C5orf22: variants seen among roughly 807,000 people sequenced by gnomAD.
C5orf22 encodes UPF0489 protein C5orf22.
A neutral mutation model predicts 48.7 loss-of-function variants in C5orf22; 36 were observed. The ratio of observed to expected loss-of-function variants is 0.74; its 90% CI spans 0.57 to 0.98. The LOEUF (loss-of-function observed/expected upper bound fraction) is 0.98, where lower values mean the gene tolerates loss of function less well. Ranked by LOEUF, C5orf22 falls within the 50% of genes least tolerant of loss-of-function variation. The pLI is 0.00. For synonymous variants in C5orf22, 141 were observed against 180.8 expected (o/e 0.78, Z 1.76); for missense variants, 486 against 521.9 (o/e 0.93, Z 0.67).
chr5:31,532,561 G>C (rs1213224536), intron 1 of C5orf22, 88 bp downstream of exon 1: 15 of 1,168,094 alleles, frequency 1.3e-5, no homozygotes, highest in Admixed American at 6.2e-5. Flanking sequence ...CCTTAGCATC[G>C]GAGGCCAGAG....
chr5:31,542,480 C>T (rs992272349), intron 6 of C5orf22, among the ~76,000 whole-genome samples: 2 of 88,248 alleles, frequency 2.3e-5, no homozygotes, highest in African/African-American at 7.5e-5. Context: ...AAAAAAAAAG[C>T]GAAAACTTAG....
intron 8 of C5orf22, among the ~76,000 whole-genome samples, chr5:31,551,906 A>C (rs1743291277): frequency 6.6e-6 from 1 of 152,216 alleles, no homozygotes; most frequent in Non-Finnish European, 1.5e-5. Flanking sequence ...CTGTAGGTAA[A>C]TAACCTGGTC....
intron 7 of C5orf22, among the ~76,000 whole-genome samples, chr5:31,549,053 CTA>C (rs1452082216): frequency 6.6e-6 from 1 of 152,084 alleles, no homozygotes; most frequent in African/African-American, 2.4e-5. Context: ...AACCCCATCT[CTA>C]TGAAAAACAC....
chr5:31,543,380 T>A (rs1357703279), intron 6 of C5orf22, among the ~76,000 whole-genome samples: 1 of 152,082 alleles, frequency 6.6e-6, no homozygotes, highest in East Asian at 1.9e-4. Context: ...CCAGCCTGGG[T>A]GACATGGTGA....
chr5:31,549,366 G>A (rs1743105136), intron 7 of C5orf22, among the ~76,000 whole-genome samples: 1 of 152,190 alleles, frequency 6.6e-6, no homozygotes, highest in Admixed American at 6.5e-5. Flanking sequence ...AATTCAAGGT[G>A]AGATTTGGGT....
In C5orf22 at chr5:31,554,567, AT is replaced by A. The variant is rs1743482702; in HGVS notation, c.*1670del. On this transcript the variant is annotated 3_prime_UTR_variant, in exon 9 of 9. Coordinates refer to ENST00000325366, the MANE Select transcript of C5orf22 (RefSeq NM_018356.3). ...AAAATCAGAATTGTAGAATTGTGCT[AT>A]TTTTAATTTTTAAAATTTTTGGTTA... 2 of 152,302 alleles carry A rather than the reference AT, an allele frequency of 1.3e-5. No homozygotes were observed. Among genetic ancestry groups the A allele is most frequent in the South Asian group, 2.1e-4 (1 of 4,828 alleles). 9.4% of individuals were successfully genotyped at this position (152,302 alleles called of 1,614,324 possible).
Position 31,534,301 on chromosome 5 carries a change from C to G in C5orf22, c.111C>G (p.Gly37=), listed in dbSNP as rs1158084288. Residue 37 remains glycine (G), a synonymous_variant, in exon 2 of 9, where the codon GGC becomes GGG. Coordinates refer to ENST00000325366, the MANE Select transcript of C5orf22 (RefSeq NM_018356.3). ...EVLPFIYRAI[G]SKHLPASNVS... The stretch of plus-strand genomic sequence containing the variant: ...TACCCTTTATATACCGGGCCATAGG[C>G]TCAAAGCATCTTCCTGCCAGTAATG... The G allele has an allele frequency of 6.2e-6, 10 of 1,613,820 alleles. No homozygotes were observed. The highest frequency in any genetic ancestry group is 7.6e-6 in the Non-Finnish European group (9 of 1,179,848).
At chr5:31,543,635 T>C (rs1358002028) in intron 6 of C5orf22, among the ~76,000 whole-genome samples, 1 of 152,136 alleles carries the variant, frequency 6.6e-6, no homozygotes, top group Non-Finnish European at 1.5e-5. Context: ...CTAAAATGAT[T>C]CCCTGTTTTT....
chr5:31,546,879 C>T (rs1051126294), intron 7 of C5orf22, among the ~76,000 whole-genome samples: 5 of 152,144 alleles, frequency 3.3e-5, no homozygotes, highest in Non-Finnish European at 5.9e-5. Context: ...TCATTCCATC[C>T]TTAGCCCCTC....
chr5:31,532,598 T>G, intron 1 of C5orf22, 125 bp downstream of exon 1: 2 of 768,208 alleles, frequency 2.6e-6, no homozygotes, highest in Non-Finnish European at 4.2e-6. Context: ...ACTGCCCTAT[T>G]CCGTTGCTGT....
At position 31,532,348 on chromosome 5, in the gene C5orf22, C is replaced by G. The variant is rs778375663; in HGVS notation, c.-45C>G. 5.6e-6 allele frequency: 9 copies of G among 1,602,418 alleles called. No homozygotes were observed. The Middle Eastern group carries it at 8.4e-4, about 149-fold the overall frequency. ...TGAGGCGCCGGCTTTCCCGGGTCTT[C>G]TCCAGCTGCCACCGCTTTACTGCAA... On this transcript the variant is annotated 5_prime_UTR_variant, in exon 1 of 9. Transcript: ENST00000325366.
chr5:31,532,383 G>T lies in C5orf22; in HGVS notation c.-10G>T. Reference sequence around the variant, plus strand: ...CACCGCTTTACTGCAAAACTGACGGGCGCAAAAACATGAGTGACTCCGCGG... The same window carrying T: ...CACCGCTTTACTGCAAAACTGACGGTCGCAAAAACATGAGTGACTCCGCGG... On this transcript the variant is annotated 5_prime_UTR_variant, in exon 1 of 9. Coordinates refer to ENST00000325366, the MANE Select transcript of C5orf22 (RefSeq NM_018356.3). 1 of 1,613,994 alleles carries T rather than the reference G, an allele frequency of 6.2e-7. No individual in the cohort carries two copies. Among genetic ancestry groups the T allele is most frequent in the Non-Finnish European group, 8.5e-7 (1 of 1,179,954 alleles).
At chr5:31,543,688 A>G (rs1194315947) in intron 6 of C5orf22, among the ~76,000 whole-genome samples, 2 of 152,246 alleles carry the variant, frequency 1.3e-5, no homozygotes, top group East Asian at 3.8e-4. Context: ...GTCACAGGAC[A>G]GGAGTCTTCC....
At position 31,536,421 on chromosome 5, in the gene C5orf22, G is replaced by A. The variant is rs181246069; in HGVS notation, c.377+528G>A. Among the ~76,000 whole-genome samples the A allele has an allele frequency of 2.0e-5, 3 of 152,294 alleles. No homozygotes were observed. In the East Asian group the frequency reaches 5.8e-4, roughly 29 times the overall value. On this transcript the variant is annotated intron_variant, in intron 3 of 8. Transcript: ENST00000325366. Reference sequence around the variant, plus strand: ...GCCTGTAGTCCCAGCTACTCAGGAGGCTGAGGCAGGAGAATGGCGTGAACC... The same window carrying A: ...GCCTGTAGTCCCAGCTACTCAGGAGACTGAGGCAGGAGAATGGCGTGAACC...
Position 31,541,290 on chromosome 5 carries a change from G to C in C5orf22, c.880G>C (p.Val294Leu). Residue 294 changes from valine (V) to leucine (L), a missense_variant, in exon 6 of 9, where the codon GTA becomes CTA. Val to Leu is a conservative substitution (Grantham distance 32). This residue lies in a region of C5orf22 where 408 missense variants were observed against 444.0 expected (regional missense o/e 0.92). Coordinates refer to ENST00000325366, the MANE Select transcript of C5orf22 (RefSeq NM_018356.3). ...TTCAATGTATTTAAAGGAAGATTTG[G>C]TAGATATTGTTGATACTCGAATTCA... ...PGTNLTEEDL[V>L]DIVDTRIHQL... 1 of 1,610,734 alleles carries C rather than the reference G, an allele frequency of 6.2e-7. No individual in the cohort carries two copies. The highest frequency in any genetic ancestry group is 8.5e-7 in the Non-Finnish European group (1 of 1,177,040).
At chr5:31,536,455 A>G (rs563632242) in intron 3 of C5orf22, among the ~76,000 whole-genome samples, 42 of 152,322 alleles carry the variant, frequency 2.8e-4, no homozygotes, top group African/African-American at 9.6e-4. Flanking sequence ...CCCAGGAGAC[A>G]GAGCTTGCAG....
intron 8 of C5orf22, among the ~76,000 whole-genome samples, chr5:31,552,003 C>G (rs1743298189): frequency 6.6e-6 from 1 of 152,166 alleles, no homozygotes; most frequent in Non-Finnish European, 1.5e-5. Flanking sequence ...GGCCAGATAA[C>G]TAATTCCAGT....
chr5:31,545,564 GT>G (rs1461443819), intron 6 of C5orf22, 81 bp from the exon 7 acceptor site: 1 of 910,110 alleles, frequency 1.1e-6, no homozygotes, highest in Non-Finnish European at 1.8e-6. Flanking sequence ...TATGGTAAAT[GT>G]TAGTATAATG....
chr5:31,538,939 T>C (rs1306770356), intron 4 of C5orf22, among the ~76,000 whole-genome samples: 1 of 152,216 alleles, frequency 6.6e-6, no homozygotes, highest in East Asian at 1.9e-4. Context: ...ATAGTATTCA[T>C]TATTTTGCAT....
Sources: allele counts gnomAD v4.1 joint callset (sites outside exome capture counted in the v4.1 genomes callset), GRCh38; gene constraint gnomAD v4.1.1; regional missense constraint gnomAD v4.1.1; transcripts MANE v1.5; gene names NCBI Gene and HGNC (gene_info 2026-07-23, HGNC 2026-07-21).